PCSK5: variants seen among roughly 807,000 people sequenced by gnomAD.
The protein encoded by PCSK5 is prohormone convertase 5.
Under a neutral mutation model 233.2 loss-of-function variants are expected in PCSK5, and 129 were observed. The observed-to-expected ratio is 0.55, with a 90% CI of 0.48 to 0.64. The LOEUF (loss-of-function observed/expected upper bound fraction) is 0.64, where lower values mean the gene tolerates loss of function less well. Among genes scored for constraint, PCSK5 ranks in the 30% least tolerant of loss-of-function variants. The pLI is 0.00. For synonymous variants in PCSK5, 825 were observed against 879.2 expected (o/e 0.94, Z 1.09); for missense variants, 2,076 against 2,430.1 (o/e 0.85, Z 3.06).
Position 76,358,999 on chromosome 9 carries a change from C to A in PCSK5, c.*77C>A. On this transcript the variant is annotated 3_prime_UTR_variant, in exon 38 of 38. Transcript: ENST00000674117. ...GCATCACTGTTTTTGGTTTTATCCC[C>A]ACACCAGGCTGATGTGTGAGTTTTT... The A allele has an allele frequency of 8.2e-7, 1 of 1,221,302 alleles. No individual in the cohort carries two copies. Among genetic ancestry groups the A allele is most frequent in the Non-Finnish European group, 1.2e-6 (1 of 851,302 alleles). 75.7% of individuals were successfully genotyped at this position (1,221,302 alleles called of 1,614,324 possible).
chr9:76,346,480 C>CT (rs750619603), intron 35 of PCSK5, among the ~76,000 whole-genome samples: 9 of 152,146 alleles, frequency 5.9e-5, no homozygotes, highest in Non-Finnish European at 1.2e-4. Context: ...GTACTTCTTC[C>CT]TCCTGTATTT....
intron 1 of PCSK5, among the ~76,000 whole-genome samples, chr9:75,895,488 A>T (rs991706548): frequency 6.6e-6 from 1 of 152,376 alleles, no homozygotes; most frequent in Non-Finnish European, 1.5e-5. Context: ...GAACCATATC[A>T]TAGCTTTGTA....
At chr9:76,314,540 C>A (rs1564174217) in intron 30 of PCSK5, among the ~76,000 whole-genome samples, 1 of 152,120 alleles carries the variant, frequency 6.6e-6, no homozygotes, top group Non-Finnish European at 1.5e-5. Flanking sequence ...AGGAACATAA[C>A]CTGCAATGAC....
intron 9 of PCSK5, among the ~76,000 whole-genome samples, chr9:76,113,984 A>G (rs1174680994): frequency 6.6e-6 from 1 of 152,104 alleles, no homozygotes; most frequent in Non-Finnish European, 1.5e-5. Flanking sequence ...ACAGAGAGAA[A>G]TACAAGCATA....
At chr9:76,060,057 G>T (rs149751319) in intron 5 of PCSK5, among the ~76,000 whole-genome samples, 148 of 152,248 alleles carry the variant, frequency 9.7e-4, no homozygotes, top group African/African-American at 3.4e-3. Flanking sequence ...TAAATGCCCA[G>T]ATATTTATGA....
chr9:75,946,184 T>C (rs1005192281), intron 2 of PCSK5, among the ~76,000 whole-genome samples: 1 of 152,276 alleles, frequency 6.6e-6, no homozygotes, highest in Admixed American at 6.5e-5. Flanking sequence ...TTTGGAGCTG[T>C]AATTTTTTTC....
At chr9:76,294,258 A>G (rs1828368535) in intron 25 of PCSK5, among the ~76,000 whole-genome samples, 1 of 151,852 alleles carries the variant, frequency 6.6e-6, no homozygotes, top group Non-Finnish European at 1.5e-5. Flanking sequence ...TATCATGCTG[A>G]TGCTCTGAAA....
At chr9:76,279,719 A>C (rs559818369) in intron 24 of PCSK5, among the ~76,000 whole-genome samples, 77 of 151,950 alleles carry the variant, frequency 5.1e-4, no homozygotes, top group South Asian at 3.3e-3. Flanking sequence ...TTCTTTTGAG[A>C]AGTGTCTGTT....
In PCSK5 at chr9:75,986,195, G is replaced by A. The variant is rs1826506697; in HGVS notation, c.361G>A (p.Ala121Thr). Residue 121 changes from alanine (A) to threonine (T), a missense_variant, in exon 3 of 38, where the codon GCC becomes ACC. Physicochemically the swap from Ala to Thr is moderately conservative, Grantham distance 58. Around this residue, in one of 6 missense-constraint regions of PCSK5, gnomAD observed 190 missense variants for 216.3 expected, o/e 0.88. Coordinates refer to ENST00000674117, the MANE Select transcript of PCSK5 (RefSeq NM_001372043.1). Reference protein sequence around the residue: ...RTKRDYDFSRAQSTYFNDPKW... With the variant: ...RTKRDYDFSRTQSTYFNDPKW... ...AAAGAGGGATTATGACTTCAGTCGT[G>A]CCCAGTCTACCTATTTCAATGATCC... 6.2e-7 allele frequency: 1 copy of A among 1,613,908 alleles called. No homozygotes were observed. The highest frequency in any genetic ancestry group is 1.3e-5 in the African/African-American group (1 of 75,052).
chr9:76,164,645 C>T (rs1484111014), intron 12 of PCSK5, among the ~76,000 whole-genome samples: 1 of 152,194 alleles, frequency 6.6e-6, no homozygotes, highest in African/African-American at 2.4e-5. Context: ...CTGAAGCTGC[C>T]TGTCCACAGA....
chr9:76,250,824 G>A (rs10781352), intron 24 of PCSK5, among the ~76,000 whole-genome samples: 42,503 of 152,092 alleles, frequency 0.28, 6,918 homozygotes, highest in East Asian at 0.7. Flanking sequence ...AAAATAAAGG[G>A]CCTGATAGAG....
At chr9:76,064,739 C>T (rs925398239) in intron 5 of PCSK5, among the ~76,000 whole-genome samples, 41 of 150,216 alleles carry the variant, frequency 2.7e-4, no homozygotes, top group African/African-American at 9.6e-4. Context: ...GACGGGGTCT[C>T]GGCCGGGCAG....
intron 24 of PCSK5, among the ~76,000 whole-genome samples, chr9:76,276,724 T>C (rs1827699708): frequency 6.6e-6 from 1 of 152,162 alleles, no homozygotes; most frequent in East Asian, 1.9e-4. Flanking sequence ...CCCAGTCTCA[T>C]CACTCTCTAA....
rs1170199390 is a variant in PCSK5, at chr9:76,046,033, T to C, written c.632+18996T>C. On this transcript the variant is annotated intron_variant, in intron 5 of 37. Coordinates refer to ENST00000674117, the MANE Select transcript of PCSK5 (RefSeq NM_001372043.1). ...TGAAGAATATTATAAATAAATGCTT[T>C]AGCATACAGTGGTTAAGCATTAATA... Among the ~76,000 whole-genome samples the C allele has an allele frequency of 2.6e-5, 4 of 152,282 alleles. No homozygotes were observed. The South Asian group carries it at 6.2e-4, about 24-fold the overall frequency.
chr9:76,315,234 A>G (rs1173177224), intron 30 of PCSK5, among the ~76,000 whole-genome samples: 1 of 152,222 alleles, frequency 6.6e-6, no homozygotes, highest in East Asian at 1.9e-4. Context: ...GATTACAGGC[A>G]TGAGCCACTG....
chr9:76,219,832 G>A (rs976043161), intron 20 of PCSK5, among the ~76,000 whole-genome samples: 2 of 152,190 alleles, frequency 1.3e-5, no homozygotes, highest in African/African-American at 4.8e-5. Flanking sequence ...TGTCGGCGCT[G>A]CTTTCTGAAA....
In PCSK5 at chr9:76,362,801, A is replaced by G. The variant is rs376028958; in HGVS notation, c.*3879A>G. Among the ~76,000 whole-genome samples, 2 of 152,162 alleles carry G rather than the reference A, an allele frequency of 1.3e-5. No homozygotes were observed. Among genetic ancestry groups the G allele is most frequent in the South Asian group, 4.1e-4 (2 of 4,824 alleles). Reference sequence around the variant, plus strand: ...GCTGTTTCGTTCTGATTACTGGTGCATGCAGTCCCCAGTCACGTACCCCCT... The same window carrying G: ...GCTGTTTCGTTCTGATTACTGGTGCGTGCAGTCCCCAGTCACGTACCCCCT... On this transcript the variant is annotated 3_prime_UTR_variant, in exon 38 of 38. Transcript: ENST00000674117.
At chr9:76,069,471 A>G (rs1031177238) in intron 6 of PCSK5, among the ~76,000 whole-genome samples, 1 of 140,514 alleles carries the variant, frequency 7.1e-6, no homozygotes, top group Non-Finnish European at 1.6e-5. Context: ...AAAAAAAAAA[A>G]GGATATATGG....
At chr9:76,083,767 C>T (rs1480836204) in intron 7 of PCSK5, among the ~76,000 whole-genome samples, 2 of 152,226 alleles carry the variant, frequency 1.3e-5, no homozygotes, top group African/African-American at 2.4e-5. Context: ...AGTGAACATA[C>T]ACATATTTCC....
Sources: gnomAD v4.1 joint callset for allele counts (sites outside exome capture counted in the v4.1 genomes callset) on GRCh38, gnomAD v4.1.1 for gene constraint, gnomAD v4.1.1 regional missense constraint, MANE v1.5 for transcripts, NCBI Gene and HGNC (gene_info 2026-07-23, HGNC 2026-07-21) for gene names.